Variants in TMEM131L observed in about 807,000 individuals in gnomAD.
TMEM131L encodes transmembrane protein 131-like.
In TMEM131L, 54 loss-of-function variants were observed where a neutral mutation model predicts 192.2. That is an observed-to-expected ratio of 0.28 (90% CI 0.23 to 0.35). The LOEUF (loss-of-function observed/expected upper bound fraction) is 0.35. Among genes scored for constraint, TMEM131L ranks in the 10% least tolerant of loss-of-function variants. The pLI, the probability that TMEM131L is intolerant of heterozygous loss-of-function variation, is 1.00. For synonymous variants in TMEM131L, 701 were observed against 704.9 expected, an observed-to-expected ratio of 0.99 and a Z score of 0.09; for missense variants, 1,888 against 1,972.9, an observed-to-expected ratio of 0.96 and a Z score of 0.82.
At chr4:153,507,088 A>G (rs779148011) in intron 3 of TMEM131L, among the ~76,000 whole-genome samples, 1 of 152,156 alleles carries the variant, frequency 6.6e-6, no homozygotes, top group Non-Finnish European at 1.5e-5. Flanking sequence ...GAGGGGGCAG[A>G]AGCAGAGTTG....
chr4:153,583,011 G>GAA lies in TMEM131L; in HGVS notation c.893-169_893-168dup, dbSNP rs79074609. Among the ~76,000 whole-genome samples the GAA allele has an allele frequency of 4.0e-3, 523 of 131,264 alleles. 1 individual carries two copies. The highest frequency in any genetic ancestry group is 0.014 in the African/African-American group (498 of 35,506). The allele number at this position is 131,264 out of a possible 152,430, so 86.1% of individuals were successfully genotyped here. Reference sequence around the variant, plus strand: ...GATCTTTTTTCTTGTGATTAAAAAAGAAAAAAAAAAAGAAAACACCTCCTA... The same window carrying GAA: ...GATCTTTTTTCTTGTGATTAAAAAAGAAAAAAAAAAAAAGAAAACACCTCCTA... On this transcript the variant is annotated intron_variant, in intron 9 of 34. Coordinates refer to ENST00000409959, the MANE Select transcript of TMEM131L (RefSeq NM_001131007.2).
chr4:153,624,603 G>A (rs1733700249), intron 29 of TMEM131L, among the ~76,000 whole-genome samples: 2 of 152,192 alleles, frequency 1.3e-5, no homozygotes, highest in Non-Finnish European at 2.9e-5. Flanking sequence ...CACACGCCCC[G>A]TGAGAAGGGC....
chr4:153,487,985 GTGTT>G (rs1732474682), intron 3 of TMEM131L, among the ~76,000 whole-genome samples: 1 of 38,366 alleles, frequency 2.6e-5, no homozygotes, highest in Non-Finnish European at 5.1e-5. Context: ...CTGGTTGTGT[GTGTT>G]TGTGTATGTA....
At chr4:153,588,625 C>T (rs993949272) in intron 15 of TMEM131L, among the ~76,000 whole-genome samples, 2 of 151,904 alleles carry the variant, frequency 1.3e-5, no homozygotes, top group Non-Finnish European at 2.9e-5. Context: ...TTGTTTCAGG[C>T]TGTATTCATG....
At chr4:153,548,550 G>A (rs1267117765) in intron 3 of TMEM131L, among the ~76,000 whole-genome samples, 1 of 152,250 alleles carries the variant, frequency 6.6e-6, no homozygotes, top group South Asian at 2.1e-4. Flanking sequence ...TGATCTGTCC[G>A]CCTCAGCCTC....
At chr4:153,539,214 A>G (rs1278296357) in intron 3 of TMEM131L, among the ~76,000 whole-genome samples, 1 of 152,224 alleles carries the variant, frequency 6.6e-6, no homozygotes, top group Non-Finnish European at 1.5e-5. Flanking sequence ...AACACCCAGC[A>G]GTCCTCTGAC....
At chr4:153,602,994 A>G (rs1259156175) in intron 23 of TMEM131L, among the ~76,000 whole-genome samples, 2 of 152,184 alleles carry the variant, frequency 1.3e-5, no homozygotes, top group African/African-American at 4.8e-5. Context: ...ATGGTGGATG[A>G]TATGAATGTT....
chr4:153,515,698 A>G (rs909053150), intron 3 of TMEM131L, among the ~76,000 whole-genome samples: 3 of 152,176 alleles, frequency 2.0e-5, no homozygotes, highest in Admixed American at 2.0e-4. Context: ...TTCATACATG[A>G]CTTTTCTACA....
intron 25 of TMEM131L, among the ~76,000 whole-genome samples, chr4:153,610,704 C>T (rs1393695492): frequency 6.6e-6 from 1 of 152,080 alleles, no homozygotes; most frequent in Non-Finnish European, 1.5e-5. Flanking sequence ...AATTTGTAGC[C>T]TCAGAATTTC....
At chr4:153,482,701 T>A (rs573938994) in intron 3 of TMEM131L, among the ~76,000 whole-genome samples, 6 of 152,246 alleles carry the variant, frequency 3.9e-5, no homozygotes, top group African/African-American at 1.2e-4. Flanking sequence ...AAGCAGTCCT[T>A]CCGCCTCAGC....
chr4:153,577,311 A>G (rs1730018926), intron 7 of TMEM131L, among the ~76,000 whole-genome samples: 1 of 152,222 alleles, frequency 6.6e-6, no homozygotes, highest in South Asian at 2.1e-4. Flanking sequence ...TTAAGCAAAT[A>G]GTGGCATGAC....
At chr4:153,587,660 G>C (rs1349967081) in intron 14 of TMEM131L, 82 bp from the exon 15 acceptor site, 1 of 1,020,608 alleles carries the variant, frequency 9.8e-7, no homozygotes, top group Non-Finnish European at 1.6e-6. Flanking sequence ...GCAGACCAAT[G>C]TCTGCTTTGA....
chr4:153,582,420 GTT>G (rs1216119441), intron 9 of TMEM131L, among the ~76,000 whole-genome samples: 1 of 81,832 alleles, frequency 1.2e-5, no homozygotes, highest in African/African-American at 5.5e-5. Context: ...AATTTAAACC[GTT>G]TTTTTTTGTT....
intron 3 of TMEM131L, among the ~76,000 whole-genome samples, chr4:153,484,535 C>A (rs185830969): frequency 6.6e-6 from 1 of 150,970 alleles, no homozygotes; most frequent in Non-Finnish European, 1.5e-5. Flanking sequence ...GTGGCACGAT[C>A]TTGGCTCACT....
At chr4:153,563,453 AC>A (rs1170561547) in intron 7 of TMEM131L, among the ~76,000 whole-genome samples, 2 of 117,032 alleles carry the variant, frequency 1.7e-5, no homozygotes, top group African/African-American at 6.4e-5. Context: ...ACGGATATGT[AC>A]CCTTTTTTTT....
intron 3 of TMEM131L, among the ~76,000 whole-genome samples, chr4:153,476,365 A>G (rs1731536401): frequency 6.6e-6 from 1 of 152,220 alleles, no homozygotes; most frequent in Non-Finnish European, 1.5e-5. Flanking sequence ...ATAGTCTTGT[A>G]GCAGAAGGCT....
chr4:153,544,239 T>C (rs904886306), intron 3 of TMEM131L, among the ~76,000 whole-genome samples: 2 of 152,228 alleles, frequency 1.3e-5, no homozygotes, highest in Non-Finnish European at 2.9e-5. Context: ...GTCCTCGATG[T>C]AGGTGCTCAC....
intron 2 of TMEM131L, among the ~76,000 whole-genome samples, chr4:153,471,721 C>A (rs78474019): frequency 0.021 from 3,189 of 152,246 alleles, 121 homozygotes; most frequent in African/African-American, 0.073. Context: ...TTACCTGATA[C>A]AGAATCATGT....
rs193226308 is a variant in TMEM131L, at chr4:153,605,575, G to A, written c.3418+1145G>A. Reference sequence around the variant, plus strand: ...GTAGAGATGGGGTTTCACCATGTTAGCCAGGCTGAGCTCGAGCAATCTGCC... The same window carrying A: ...GTAGAGATGGGGTTTCACCATGTTAACCAGGCTGAGCTCGAGCAATCTGCC... On this transcript the variant is annotated intron_variant, in intron 25 of 34. Transcript: ENST00000409959. Among the ~76,000 whole-genome samples, 254 of 152,274 alleles carry A rather than the reference G, an allele frequency of 1.7e-3. 1 individual carries two copies. The highest frequency in any genetic ancestry group is 5.9e-3 in the African/African-American group (245 of 41,554).
Sources: allele counts gnomAD v4.1 joint callset (sites outside exome capture counted in the v4.1 genomes callset), GRCh38; gene constraint gnomAD v4.1.1; transcripts MANE v1.5; gene names NCBI Gene and HGNC (gene_info 2026-07-23, HGNC 2026-07-21).